The following MID1 variants were observed in gnomAD, a reference collection of about 807,000 sequenced individuals.
The protein encoded by MID1 is midline 1.
Under a neutral mutation model 40.4 loss-of-function variants are expected in MID1, and 7 were observed. The observed-to-expected ratio is 0.17, with a 90% CI of 0.10 to 0.33. The LOEUF is 0.33. Among genes scored for constraint, MID1 ranks in the 10% least tolerant of loss-of-function variants. The pLI, the probability that MID1 is intolerant of heterozygous loss-of-function variation, is 1.00. For missense variants in MID1, 367 were observed against 558.5 expected, an observed-to-expected ratio of 0.66 and a Z score of 3.46; for synonymous variants, 229 against 221.2, an observed-to-expected ratio of 1.04 and a Z score of -0.31.
intron 1 of MID1, among the ~76,000 whole-genome samples, chrX:10,697,558 A>T (rs936278581): frequency 5.4e-5 from 6 of 111,477 alleles, no homozygotes; most frequent in East Asian, 2.8e-4. Flanking sequence ...GAGGCTAATT[A>T]AAAAAAAGCT....
chrX:10,805,004 T>C (rs896651452), intron 1 of MID1, among the ~76,000 whole-genome samples: 2 of 111,138 alleles, frequency 1.8e-5, no homozygotes, highest in East Asian at 2.8e-4. Context: ...GTAAAACCCA[T>C]GAAAATGTTG....
intron 1 of MID1, among the ~76,000 whole-genome samples, chrX:10,642,203 A>G (rs752886706): frequency 6.7e-4 from 68 of 101,424 alleles, no homozygotes; most frequent in Admixed American, 1.7e-3. Context: ...AGGGTATTCA[A>G]TTAGGAAAAG....
chrX:10,642,409 C>G (rs1367887746), intron 1 of MID1, among the ~76,000 whole-genome samples: 5 of 110,097 alleles, frequency 4.5e-5, no homozygotes, highest in Non-Finnish European at 7.6e-5. Context: ...AACTCCCATT[C>G]ACAATTGCTT....
chrX:10,825,140 TAAAG>T (rs1316593546), intron 1 of MID1, among the ~76,000 whole-genome samples: 2 of 111,985 alleles, frequency 1.8e-5, no homozygotes, highest in African/African-American at 6.5e-5. Flanking sequence ...AGTTCTAAAA[TAAAG>T]AGACTTACAT....
intron 4 of MID1, among the ~76,000 whole-genome samples, chrX:10,487,202 T>C (rs774559658): frequency 9.0e-6 from 1 of 111,235 alleles, no homozygotes; most frequent in East Asian, 2.8e-4. Context: ...TGTGGCACTT[T>C]ATAATCTCAC....
chrX:10,775,806 T>TGACCTCAGG (rs1184296567), intron 1 of MID1, among the ~76,000 whole-genome samples: 1 of 111,420 alleles, frequency 9.0e-6, no homozygotes, highest in African/African-American at 3.3e-5. Flanking sequence ...GAAAACCAGG[T>TGACCTCAGG]GACCTCAGGG....
chrX:10,475,646 G>C (rs1929968429), intron 5 of MID1, among the ~76,000 whole-genome samples: 1 of 112,258 alleles, frequency 8.9e-6, no homozygotes, highest in Non-Finnish European at 1.9e-5. Flanking sequence ...TAGTAATCTT[G>C]TTGAGTTTGG....
At chrX:10,677,972 G>A (rs1291536109) in intron 1 of MID1, among the ~76,000 whole-genome samples, 1 of 110,627 alleles carries the variant, frequency 9.0e-6, no homozygotes, top group Non-Finnish European at 1.9e-5. Flanking sequence ...CCCCTTTGCT[G>A]GAGTAATGGG....
At chrX:10,510,006 T>C (rs1932035134) in intron 3 of MID1, among the ~76,000 whole-genome samples, 1 of 112,303 alleles carries the variant, frequency 8.9e-6, no homozygotes, top group Non-Finnish European at 1.9e-5. Flanking sequence ...ACTATGTAGT[T>C]TCCCTTAAGC....
intron 2 of MID1, among the ~76,000 whole-genome samples, chrX:10,561,026 A>T (rs997359520): frequency 9.4e-6 from 1 of 106,845 alleles, no homozygotes; most frequent in Non-Finnish European, 1.9e-5. Context: ...AGATATATAG[A>T]CCAATGGAAC....
At chrX:10,520,357 C>T (rs779184616) in intron 3 of MID1, among the ~76,000 whole-genome samples, 28 of 111,744 alleles carry the variant, frequency 2.5e-4, no homozygotes, top group African/African-American at 8.8e-4. Context: ...CAAAAAAATG[C>T]TAATCTTAGA....
intron 1 of MID1, among the ~76,000 whole-genome samples, chrX:10,642,580 C>T (rs935441926): frequency 1.8e-5 from 2 of 110,057 alleles, no homozygotes; most frequent in East Asian, 2.8e-4. Flanking sequence ...TGAAAATGGC[C>T]GTACTACCCA....
At chrX:10,608,680 T>C (rs1935670130) in intron 1 of MID1, among the ~76,000 whole-genome samples, 1 of 111,652 alleles carries the variant, frequency 9.0e-6, no homozygotes, top group South Asian at 3.8e-4. Context: ...TTTAAAATTA[T>C]GTTTCTGTAA....
At chrX:10,576,384 G>A (rs1305018925) in intron 1 of MID1, among the ~76,000 whole-genome samples, 1 of 111,746 alleles carries the variant, frequency 8.9e-6, no homozygotes, top group Non-Finnish European at 1.9e-5. Context: ...GAATCACTTC[G>A]AAGCATGGCA....
chrX:10,799,647 T>C (rs1317390419), intron 1 of MID1, among the ~76,000 whole-genome samples: 2 of 109,982 alleles, frequency 1.8e-5, no homozygotes, highest in East Asian at 5.6e-4. Context: ...AGGAGATTTA[T>C]GGCAAGGTTG....
At chrX:10,497,963 A>G (rs930367120) in intron 3 of MID1, among the ~76,000 whole-genome samples, 2 of 112,618 alleles carry the variant, frequency 1.8e-5, no homozygotes, top group Non-Finnish European at 3.7e-5. Flanking sequence ...CCAAGAAGAG[A>G]CAGGGCAAAA....
intron 1 of MID1, among the ~76,000 whole-genome samples, chrX:10,679,662 C>T (rs917931259): frequency 1.8e-5 from 2 of 111,082 alleles, no homozygotes; most frequent in Admixed American, 1.9e-4. Flanking sequence ...AGTTTGTTGA[C>T]CCCTATTGCT....
At chrX:10,532,737 C>T (rs140044578) in intron 2 of MID1, among the ~76,000 whole-genome samples, 5 of 109,312 alleles carry the variant, frequency 4.6e-5, no homozygotes, top group African/African-American at 1.0e-4. Context: ...CCTTGCGTGC[C>T]GCCTGTTTTT....
intron 1 of MID1, among the ~76,000 whole-genome samples, chrX:10,791,991 C>T (rs2043935235): frequency 9.0e-6 from 1 of 111,276 alleles, no homozygotes; most frequent in Non-Finnish European, 1.9e-5. Flanking sequence ...CGGCCCCAGC[C>T]CAGAGAAGCC....
Sources: allele counts gnomAD v4.1 joint callset (sites outside exome capture counted in the v4.1 genomes callset), GRCh38; gene constraint gnomAD v4.1.1; transcripts MANE v1.5; gene names NCBI Gene and HGNC (gene_info 2026-07-23, HGNC 2026-07-21).